Variants in NR3C2 observed in about 807,000 individuals in gnomAD.
NR3C2 encodes the protein nuclear receptor subfamily 3 group C member 2, also known as mineralocorticoid receptor.
Under a neutral mutation model 86.4 loss-of-function variants are expected in NR3C2, and 15 were observed. The observed-to-expected ratio is 0.17, with a 90% CI of 0.12 to 0.27. The LOEUF (loss-of-function observed/expected upper bound fraction) is 0.27. Among genes scored for constraint, NR3C2 ranks in the 10% least tolerant of loss-of-function variants. NR3C2 has a pLI of 1.00. For missense variants in NR3C2, 960 were observed against 1,195.6 expected (o/e 0.80, Z 2.91); for synonymous variants, 458 against 450.5 (o/e 1.02, Z -0.21).
intron 3 of NR3C2, among the ~76,000 whole-genome samples, chr4:148,224,910 G>A (rs1230082772): frequency 6.6e-6 from 1 of 152,176 alleles, no homozygotes. Flanking sequence ...AACTCCTGGA[G>A]TTGGGATTTC....
At chr4:148,331,584 T>C (rs540425767) in intron 2 of NR3C2, among the ~76,000 whole-genome samples, 1 of 152,352 alleles carries the variant, frequency 6.6e-6, no homozygotes, top group African/African-American at 2.4e-5. Context: ...TCTTCTACAC[T>C]TATGTAAAAA....
chr4:148,267,420 G>C (rs889730886), intron 2 of NR3C2, among the ~76,000 whole-genome samples: 5 of 151,916 alleles, frequency 3.3e-5, no homozygotes, highest in African/African-American at 1.2e-4. Context: ...CACCCAGCTA[G>C]ATCTGTAGTT....
At chr4:148,350,487 C>A (rs1035840949) in intron 2 of NR3C2, among the ~76,000 whole-genome samples, 2 of 152,142 alleles carry the variant, frequency 1.3e-5, no homozygotes, top group African/African-American at 4.8e-5. Context: ...TTAGAAATAT[C>A]TCTAAAAGAC....
chr4:148,382,724 A>G (rs982029619), intron 2 of NR3C2, among the ~76,000 whole-genome samples: 21 of 152,206 alleles, frequency 1.4e-4, no homozygotes, highest in African/African-American at 4.8e-4. Context: ...GCAGTAATCA[A>G]TTTAATACTG....
chr4:148,165,684 T>G (rs776192807), intron 4 of NR3C2, among the ~76,000 whole-genome samples: 19 of 152,296 alleles, frequency 1.2e-4, no homozygotes, highest in Non-Finnish European at 2.6e-4. Flanking sequence ...CATTAAAAAC[T>G]ATTAAAATTG....
intron 6 of NR3C2, among the ~76,000 whole-genome samples, chr4:148,142,631 A>G (rs1333458656): frequency 6.6e-6 from 1 of 152,094 alleles, no homozygotes; most frequent in Non-Finnish European, 1.5e-5. Context: ...AGTAGCTGGG[A>G]CCACAGGTGT....
chr4:148,401,668 T>C (rs888502627), intron 2 of NR3C2, among the ~76,000 whole-genome samples: 1 of 152,012 alleles, frequency 6.6e-6, no homozygotes, highest in Non-Finnish European at 1.5e-5. Flanking sequence ...TTCACCTCGT[T>C]AGCCAGGATG....
intron 2 of NR3C2, among the ~76,000 whole-genome samples, chr4:148,308,406 A>C (rs1211365599): frequency 2.6e-5 from 4 of 152,250 alleles, no homozygotes; most frequent in African/African-American, 9.6e-5. Flanking sequence ...TTCTACTTGA[A>C]ATCCACCAGC....
At chr4:148,391,260 C>T (rs754042348) in intron 2 of NR3C2, among the ~76,000 whole-genome samples, 1 of 152,086 alleles carries the variant, frequency 6.6e-6, no homozygotes, top group African/African-American at 2.4e-5. Context: ...GTAACACAAA[C>T]GGTTTTCTGT....
chr4:148,388,791 T>A (rs1442832783), intron 2 of NR3C2, among the ~76,000 whole-genome samples: 1 of 152,118 alleles, frequency 6.6e-6, no homozygotes, highest in Non-Finnish European at 1.5e-5. Flanking sequence ...AAAGTACTCT[T>A]TAGTCGCAAG....
At chr4:148,158,576 TCC>T (rs1441579848) in intron 4 of NR3C2, among the ~76,000 whole-genome samples, 3 of 152,238 alleles carry the variant, frequency 2.0e-5, no homozygotes, top group Non-Finnish European at 4.4e-5. Flanking sequence ...GATGTTCTCA[TCC>T]TTTATAGGAC....
At chr4:148,247,177 C>A (rs573675037) in intron 3 of NR3C2, among the ~76,000 whole-genome samples, 34 of 152,278 alleles carry the variant, frequency 2.2e-4, no homozygotes, top group Non-Finnish European at 4.1e-4. Context: ...GATGTGCCAC[C>A]TCACGATGGG....
At chr4:148,242,975 A>T (rs541314871) in intron 3 of NR3C2, among the ~76,000 whole-genome samples, 12 of 151,952 alleles carry the variant, frequency 7.9e-5, no homozygotes, top group Non-Finnish European at 1.5e-4. Context: ...TTAATTGGTT[A>T]CAGGACGGTT....
intron 3 of NR3C2, among the ~76,000 whole-genome samples, chr4:148,205,531 G>A (rs996843258): frequency 1.4e-4 from 21 of 152,200 alleles, no homozygotes; most frequent in Admixed American, 1.2e-3. Context: ...GTTAAGTTAG[G>A]CATTATTAAT....
chr4:148,440,029 A>C (rs1239209815), intron 1 of NR3C2, among the ~76,000 whole-genome samples: 1 of 151,938 alleles, frequency 6.6e-6, no homozygotes, highest in Non-Finnish European at 1.5e-5. Flanking sequence ...CTCATTAAGG[A>C]ATTTGCAAAA....
intron 2 of NR3C2, among the ~76,000 whole-genome samples, chr4:148,397,373 T>A (rs1645768556): frequency 6.6e-6 from 1 of 152,214 alleles, no homozygotes; most frequent in South Asian, 2.1e-4. Flanking sequence ...GGAAAGTGTC[T>A]GGAGCCAGAG....
intron 2 of NR3C2, among the ~76,000 whole-genome samples, chr4:148,403,668 A>AT (rs1748275745): frequency 1.3e-5 from 2 of 152,102 alleles, no homozygotes; most frequent in South Asian, 4.1e-4. Context: ...CTTATGTTAG[A>AT]TTTGATCACA....
intron 6 of NR3C2, among the ~76,000 whole-genome samples, chr4:148,140,660 G>C (rs1336826254): frequency 6.6e-6 from 1 of 152,192 alleles, no homozygotes; most frequent in Non-Finnish European, 1.5e-5. Flanking sequence ...GCTAATATTA[G>C]CCACACTAAG....
At chr4:148,156,976 T>TA (rs1027759852) in intron 4 of NR3C2, among the ~76,000 whole-genome samples, 1 of 151,500 alleles carries the variant, frequency 6.6e-6, no homozygotes, top group South Asian at 2.1e-4. Context: ...TATGCAGCCA[T>TA]AAAAAAGGAT....
Sources: allele counts gnomAD v4.1 joint callset (sites outside exome capture counted in the v4.1 genomes callset), GRCh38; gene constraint gnomAD v4.1.1; transcripts MANE v1.5; gene names NCBI Gene and HGNC (gene_info 2026-07-23, HGNC 2026-07-21).